Variants in GABPA observed in about 807,000 individuals in gnomAD.
GABPA encodes the protein GA-binding protein alpha chain.
In GABPA, 4 loss-of-function variants were observed where a neutral mutation model predicts 59.4. The observed-to-expected ratio is 0.07, with a 90% CI of 0.03 to 0.15. The LOEUF is 0.15. Ranked by LOEUF, GABPA falls within the 10% of genes least tolerant of loss-of-function variation. The probability of loss-of-function intolerance (pLI) is 1.00; values close to 1 mark genes in which losing one functional copy is unlikely to be tolerated. For synonymous variants in GABPA, 164 were observed against 183.1 expected (o/e 0.90, Z 0.84); for missense variants, 251 against 543.8 (o/e 0.46, Z 5.36).
At chr21:25,762,243 AG>A in intron 6 of GABPA, 68 bp from the exon 7 acceptor site, 1 of 769,580 alleles carries the variant, frequency 1.3e-6, no homozygotes, top group Non-Finnish European at 2.2e-6. Context: ...TATTAAGTTG[AG>A]TTTTATTGGA....
intron 5 of GABPA, among the ~76,000 whole-genome samples, chr21:25,756,473 G>C (rs1476293642): frequency 6.6e-6 from 1 of 152,186 alleles, no homozygotes; most frequent in South Asian, 2.1e-4. Context: ...GGCTCAGTTT[G>C]ACAAACACCC....
chr21:25,735,122 A>G lies in GABPA; in HGVS notation c.-483A>G. The G allele has an allele frequency of 1.4e-6, 1 of 715,788 alleles. No individual in the cohort carries two copies. The highest frequency in any genetic ancestry group is 1.6e-5 in the South Asian group (1 of 64,152). The allele number at this position is 715,788 out of a possible 1,614,324, so 44.3% of individuals were successfully genotyped here. ...AGCCTCCGCCATCTTTTCTTCGCCT[A>G]ATTTGACCCGTTCTTTTTCCCCTCC... On this transcript the variant is annotated 5_prime_UTR_variant, in exon 1 of 10. Transcript: ENST00000400075.
At chr21:25,766,766 G>A (rs1410265059) in intron 9 of GABPA, among the ~76,000 whole-genome samples, 3 of 151,810 alleles carry the variant, frequency 2.0e-5, no homozygotes, top group Non-Finnish European at 4.4e-5. Context: ...TGTAACAGTT[G>A]CTCCCCTAAG....
chr21:25,764,767 G>A lies in GABPA; in HGVS notation c.1116G>A (p.Glu372=). 1 of 1,593,884 alleles carries A rather than the reference G, an allele frequency of 6.3e-7. No individual in the cohort carries two copies. Among genetic ancestry groups the A allele is most frequent in the Non-Finnish European group, 8.5e-7 (1 of 1,173,944 alleles). ...AAAATAAGCCTACGATGAACTATGA[G>A]AAACTCAGTCGTGCATTAAGGTAAG... ...QRKNKPTMNY[E]KLSRALRYYY... Residue 372 remains glutamate (E), a synonymous_variant, in exon 9 of 10, where the codon GAG becomes GAA. Coordinates refer to ENST00000400075, the MANE Select transcript of GABPA (RefSeq NM_002040.4).
intron 6 of GABPA, among the ~76,000 whole-genome samples, chr21:25,759,885 G>T (rs1034684083): frequency 6.6e-6 from 1 of 152,120 alleles, no homozygotes; most frequent in Non-Finnish European, 1.5e-5. Context: ...CCAAATCCAC[G>T]TTTTTTCCAG....
chr21:25,768,982 A>ATTTTTTTTT (rs199745049), intron 9 of GABPA, 22 bp from the exon 10 acceptor site: 1 of 1,455,788 alleles, frequency 6.9e-7, no homozygotes, highest in Non-Finnish European at 9.5e-7. Flanking sequence ...GAAGTCTCTA[A>ATTTTTTTTT]TTTTTTTTTC....
chr21:25,760,237 G>A (rs1035035270), intron 6 of GABPA, among the ~76,000 whole-genome samples: 4 of 152,200 alleles, frequency 2.6e-5, no homozygotes, highest in African/African-American at 9.7e-5. Context: ...AGGATGATGT[G>A]TAAGGGTATT....
chr21:25,742,932 CAAAA>C (rs763611466), intron 2 of GABPA, among the ~76,000 whole-genome samples: 4 of 100,706 alleles, frequency 4.0e-5, no homozygotes, highest in Non-Finnish European at 6.5e-5. Context: ...GGTGCGGTCT[CAAAA>C]AAAAAAAAAA....
At chr21:25,737,194 A>G (rs887676406) in intron 1 of GABPA, among the ~76,000 whole-genome samples, 1 of 152,258 alleles carries the variant, frequency 6.6e-6, no homozygotes, top group Admixed American at 6.5e-5. Flanking sequence ...GTGTCAAAGT[A>G]TATGAAATTG....
chr21:25,755,249 G>T (rs1371458597), intron 5 of GABPA, among the ~76,000 whole-genome samples: 2 of 151,856 alleles, frequency 1.3e-5, no homozygotes, highest in African/African-American at 4.8e-5. Context: ...AGGAGTTTGA[G>T]ACCAGCCTGG....
chr21:25,770,871 A>T lies in GABPA; in HGVS notation c.*1639A>T, dbSNP rs1173124847. 6.6e-6 allele frequency: 1 copy of T among 152,050 alleles called. No individual in the cohort carries two copies. The highest frequency in any genetic ancestry group is 1.5e-5 in the Non-Finnish European group (1 of 67,912). The allele number at this position is 152,050 out of a possible 1,614,324, so 9.4% of individuals were successfully genotyped here. On this transcript the variant is annotated 3_prime_UTR_variant, in exon 10 of 10. Transcript: ENST00000400075. ...ACTAAAACATGTTCTCAATTCATTC[A>T]TATTATTAAGCTCTTCCTGCAGTTG...
chr21:25,762,440 A>G, intron 7 of GABPA, 75 bp downstream of exon 7: 1 of 1,108,174 alleles, frequency 9.0e-7, no homozygotes, highest in Non-Finnish European at 1.3e-6. Flanking sequence ...AATAAAAAGG[A>G]AAATTATTTA....
At position 25,735,221 on chromosome 21, in the gene GABPA, G is replaced by A; in HGVS notation, c.-384G>A. 3 of 587,494 alleles carry A rather than the reference G, an allele frequency of 5.1e-6. No homozygotes were observed. The highest frequency in any genetic ancestry group is 9.2e-6 in the Non-Finnish European group (3 of 326,986). 36.4% of individuals were successfully genotyped at this position (587,494 alleles called of 1,614,324 possible). On this transcript the variant is annotated 5_prime_UTR_variant, in exon 1 of 10. Transcript: ENST00000400075. ...AGTTCAAGCTCCCCTCCGAGTCAGC[G>A]TCCTGTTCGTTAGGGTTATCGAAGT...
chr21:25,751,802 A>T (rs2035519359), intron 4 of GABPA, among the ~76,000 whole-genome samples, 187 bp from the exon 5 acceptor site: 1 of 152,090 alleles, frequency 6.6e-6, no homozygotes, highest in Admixed American at 6.6e-5. Context: ...CTTGTAGAAA[A>T]GTTGCAAGAC....
Position 25,734,987 on chromosome 21 carries a change from A to C in GABPA, c.-618A>C. The C allele has an allele frequency of 1.9e-6, 3 of 1,554,508 alleles. No individual in the cohort carries two copies. Among genetic ancestry groups the C allele is most frequent in the Non-Finnish European group, 1.7e-6 (2 of 1,150,638 alleles). On this transcript the variant is annotated 5_prime_UTR_variant, in exon 1 of 10. Coordinates refer to ENST00000400075, the MANE Select transcript of GABPA (RefSeq NM_002040.4). ...CCGCCGTTTCAGTCGGTCGACGCTC[A>C]CCGGACAGGAAGCGTCTCGGAGACA...
Position 25,758,186 on chromosome 21 carries a change from C to G in GABPA, c.730C>G (p.Leu244Val). Residue 244 changes from leucine to valine, a missense_variant, in exon 6 of 10, where the codon CTG (leucine) becomes GTG (valine). By Grantham distance (32) the Leu-to-Val change is conservative (BLOSUM62 1). Transcript: ENST00000400075. ...TCGGGGAGAAATTCTCTGGAGTCAT[C>G]TGGAACTTCTCCGAAAATGTATGAA... The part of the protein sequence containing the change: ...VPRGEILWSH[L>V]ELLRKYVLAS... The G allele has an allele frequency of 1.3e-6, 2 of 1,588,930 alleles. No individual in the cohort carries two copies. Among genetic ancestry groups the G allele is most frequent in the Non-Finnish European group, 1.7e-6 (2 of 1,169,800 alleles).
intron 1 of GABPA, among the ~76,000 whole-genome samples, chr21:25,736,650 CTAAAT>C (rs1216992629): frequency 1.3e-5 from 2 of 152,130 alleles, no homozygotes; most frequent in Non-Finnish European, 2.9e-5. Flanking sequence ...AGACCGAGTA[CTAAAT>C]TAAAACTGTT....
chr21:25,739,323 A>G (rs527292437), intron 1 of GABPA, among the ~76,000 whole-genome samples: 2 of 152,346 alleles, frequency 1.3e-5, no homozygotes, highest in Non-Finnish European at 2.9e-5. Flanking sequence ...TAGTGTAACA[A>G]ATTATGCAAA....
intron 3 of GABPA, among the ~76,000 whole-genome samples, chr21:25,747,192 A>G (rs1321468179): frequency 6.6e-6 from 1 of 152,240 alleles, no homozygotes; most frequent in African/African-American, 2.4e-5. Context: ...TTTGAGACGA[A>G]AAAACAAAAA....
Sources: gnomAD v4.1 joint callset for allele counts (sites outside exome capture counted in the v4.1 genomes callset) on GRCh38, gnomAD v4.1.1 for gene constraint, MANE v1.5 for transcripts, NCBI Gene and HGNC (gene_info 2026-07-23, HGNC 2026-07-21) for gene names.